LEO1: variants seen among roughly 807,000 people sequenced by gnomAD.
LEO1 encodes LEO1 component of Paf1/RNA polymerase II complex.
Under a neutral mutation model 80.4 loss-of-function variants are expected in LEO1, and 34 were observed. That is an observed-to-expected ratio of 0.42 (90% CI 0.32 to 0.56). The LOEUF (loss-of-function observed/expected upper bound fraction) is 0.56. Among genes scored for constraint, LEO1 ranks in the 20% least tolerant of loss-of-function variants. LEO1 has a pLI of 0.10. For missense variants in LEO1, 631 were observed against 814.2 expected (o/e 0.77, Z 2.74); for synonymous variants, 262 against 274.9 (o/e 0.95, Z 0.46).
rs867338525 is a variant in LEO1, at chr15:51,962,936, A to C, written c.815-443T>G. Reference sequence around the variant, plus strand: ...TACATGCAGAACATGCCCCCCCCCCAAAAAATTAACTCTAGTGTGTGTTAA... The same window carrying C: ...TACATGCAGAACATGCCCCCCCCCCCAAAAATTAACTCTAGTGTGTGTTAA... On this transcript the variant is annotated intron_variant, in intron 2 of 11. Coordinates refer to ENST00000299601, the MANE Select transcript of LEO1 (RefSeq NM_138792.4). Among the ~76,000 whole-genome samples the C allele has an allele frequency of 5.9e-4, 70 of 119,502 alleles. 1 individual carries two copies. The highest frequency in any genetic ancestry group is 5.0e-3 in the South Asian group (19 of 3,768). The allele number at this position is 119,502 out of a possible 152,430, so 78.4% of individuals were successfully genotyped here. A position where few individuals can be genotyped will look rare whatever the true frequency, so the allele number is the denominator to read the frequency against.
chr15:51,959,761 G>A (rs995424199), intron 5 of LEO1, 138 bp downstream of exon 5: 5 of 704,018 alleles, frequency 7.1e-6, no homozygotes, highest in Non-Finnish European at 9.1e-6. Flanking sequence ...ATCTCAGGAT[G>A]TGCTTGACTA....
At chr15:51,961,284 G>A (rs1031487627) in intron 3 of LEO1, among the ~76,000 whole-genome samples, 4 of 151,972 alleles carry the variant, frequency 2.6e-5, no homozygotes, top group Non-Finnish European at 5.9e-5. Flanking sequence ...TTGGGAGGCT[G>A]AGGCAGGAGA....
At chr15:51,947,254 C>A in intron 11 of LEO1, 38 bp downstream of exon 11, 1 of 1,397,268 alleles carries the variant, frequency 7.2e-7, no homozygotes, top group Non-Finnish European at 1.0e-6. Context: ...CTCCTGAGTA[C>A]AGGATAAACC....
intron 11 of LEO1, among the ~76,000 whole-genome samples, chr15:51,945,939 C>G (rs1255438716): frequency 6.6e-6 from 1 of 151,216 alleles, no homozygotes; most frequent in Admixed American, 6.6e-5. Context: ...GAGGCTGAGG[C>G]AGGAAAATGG....
At chr15:51,970,518 C>T in intron 1 of LEO1, among the ~76,000 whole-genome samples, 1 of 152,138 alleles carries the variant, frequency 6.6e-6, no homozygotes, top group East Asian at 1.9e-4. Context: ...ATTATTAAAT[C>T]ATTAAAAATG....
rs538173770 is a variant in LEO1 at position 51,951,478 on chromosome 15, G to A, written c.1611+366C>T. ...AGGCACTCTCTCATTCAAACTCCTG[G>A]TCTATTCTCTATTTTACACTACTCT... On this transcript the variant is annotated intron_variant, in intron 9 of 11. Coordinates refer to ENST00000299601, the MANE Select transcript of LEO1 (RefSeq NM_138792.4). 4.5e-4 allele frequency among the ~76,000 whole-genome samples: 69 copies of A among 152,210 alleles called. 1 individual carries two copies. In the South Asian group the frequency reaches 0.014, roughly 31 times the overall value.
chr15:51,966,556 G>T, intron 1 of LEO1, 52 bp from the exon 2 acceptor site: 1 of 1,032,734 alleles, frequency 9.7e-7, no homozygotes, highest in Non-Finnish European at 1.5e-6. Context: ...GGCAGAGTAA[G>T]GCAGTCCCAA....
In LEO1 at chr15:51,970,209, T is replaced by C. The variant is rs192712402; in HGVS notation, c.58+1479A>G. On this transcript the variant is annotated intron_variant, in intron 1 of 11. Transcript: ENST00000299601. ...TCTCACTTTATCACCCAGGTTGAAG[T>C]GAAGTGATGCAATCTCAGCTCACTG... Among the ~76,000 whole-genome samples, 406 of 152,344 alleles carry C rather than the reference T, an allele frequency of 2.7e-3. 5 individuals carry two copies. The highest frequency in any genetic ancestry group is 2.7e-3 in the Non-Finnish European group (181 of 68,036).
chr15:51,965,428 C>G (rs1303500507), intron 2 of LEO1, among the ~76,000 whole-genome samples: 1 of 152,114 alleles, frequency 6.6e-6, no homozygotes, highest in African/African-American at 2.4e-5. Flanking sequence ...CTTCAGTTAT[C>G]CACAGAAATG....
intron 1 of LEO1, 94 bp from the exon 2 acceptor site, chr15:51,966,598 C>G: frequency 1.4e-6 from 1 of 719,794 alleles, no homozygotes; most frequent in East Asian, 2.5e-5. Context: ...AATGAAGAAA[C>G]TGGCAAAAAC....
chr15:51,960,876 G>C (rs2057024678), intron 3 of LEO1, 143 bp from the exon 4 acceptor site: 2 of 599,822 alleles, frequency 3.3e-6, no homozygotes, highest in Non-Finnish European at 5.9e-6. Flanking sequence ...GGCTCTCAAA[G>C]ACCCAACCAG....
chr15:51,949,781 G>A (rs770911458), intron 10 of LEO1, 27 bp downstream of exon 10: 1 of 1,588,448 alleles, frequency 6.3e-7, no homozygotes, highest in South Asian at 1.1e-5. Flanking sequence ...CCGAAATGAT[G>A]AAATGTAATT....
intron 6 of LEO1, among the ~76,000 whole-genome samples, chr15:51,956,137 T>C (rs2056987040): frequency 6.6e-6 from 1 of 151,952 alleles, no homozygotes; most frequent in Admixed American, 6.6e-5. Context: ...TACACAAATA[T>C]GCCGGGTGCA....
intron 5 of LEO1, 53 bp from the exon 6 acceptor site, chr15:51,958,879 C>G: frequency 1.1e-6 from 1 of 923,036 alleles, no homozygotes; most frequent in Non-Finnish European, 1.7e-6. Context: ...AAGAATATTA[C>G]TGCTATGTAA....
chr15:51,955,153 T>G (rs1311875120), intron 6 of LEO1: 2 of 152,278 alleles, frequency 1.3e-5, no homozygotes, highest in Non-Finnish European at 2.9e-5. Flanking sequence ...TTAGCCAGGA[T>G]GGTCTCGATC....
At chr15:51,961,164 C>T (rs901305193) in intron 3 of LEO1, among the ~76,000 whole-genome samples, 1 of 152,142 alleles carries the variant, frequency 6.6e-6, no homozygotes, top group African/African-American at 2.4e-5. Context: ...AGGTGGATCA[C>T]TTAAGGTCAG....
intron 1 of LEO1, among the ~76,000 whole-genome samples, chr15:51,969,151 G>T (rs922724231): frequency 1.3e-5 from 2 of 151,764 alleles, no homozygotes; most frequent in Non-Finnish European, 2.9e-5. Flanking sequence ...TAGAGATAGG[G>T]TTTCACCATG....
chr15:51,949,205 CAT>C (rs766441955), intron 10 of LEO1, among the ~76,000 whole-genome samples: 2 of 152,262 alleles, frequency 1.3e-5, no homozygotes, highest in Admixed American at 6.5e-5. Flanking sequence ...GAAAATATCA[CAT>C]AATTTCTGAA....
At chr15:51,952,019 A>G (rs766114819) in intron 8 of LEO1, 40 bp from the exon 9 acceptor site, 2 of 1,568,916 alleles carry the variant, frequency 1.3e-6, no homozygotes, top group Admixed American at 1.8e-5. Context: ...CTGTTTACCA[A>G]ATACATTTGT....
Sources: gnomAD v4.1 joint callset for allele counts (sites outside exome capture counted in the v4.1 genomes callset) on GRCh38, gnomAD v4.1.1 for gene constraint, MANE v1.5 for transcripts, NCBI Gene and HGNC (gene_info 2026-07-23, HGNC 2026-07-21) for gene names.